Variants in KCNJ1 observed in about 807,000 individuals in gnomAD.
KCNJ1 encodes the protein ATP-sensitive inward rectifier potassium channel 1.
In KCNJ1, 24 loss-of-function variants were observed where a neutral mutation model predicts 21.9. The observed-to-expected ratio is 1.10, with a 90% CI of 0.79 to 1.54. The LOEUF (loss-of-function observed/expected upper bound fraction) is 1.54, where lower values mean the gene tolerates loss of function less well. KCNJ1 is among the 40% of genes most tolerant of loss of function. The pLI, the probability that KCNJ1 is intolerant of heterozygous loss-of-function variation, is 0.00. For missense variants in KCNJ1, 457 were observed against 455.4 expected (o/e 1.00, Z -0.03); for synonymous variants, 152 against 160.9 (o/e 0.94, Z 0.42).
chr11:128,861,032 T>A (rs1018503912), intron 1 of KCNJ1, among the ~76,000 whole-genome samples: 9 of 152,330 alleles, frequency 5.9e-5, no homozygotes, highest in African/African-American at 2.2e-4. Flanking sequence ...GCCTCAAGTG[T>A]CCTGCCTTCT....
chr11:128,861,356 G>C (rs1026719840), intron 1 of KCNJ1, among the ~76,000 whole-genome samples: 1 of 152,200 alleles, frequency 6.6e-6, no homozygotes, highest in Non-Finnish European at 1.5e-5. Context: ...AATGGGGATG[G>C]TACCATGGAG....
At chr11:128,866,186 G>A (rs1198540882) in intron 1 of KCNJ1, among the ~76,000 whole-genome samples, 1 of 152,208 alleles carries the variant, frequency 6.6e-6, no homozygotes, top group African/African-American at 2.4e-5. Context: ...AGACTGGGCA[G>A]CTCCTCCAAT....
At chr11:128,859,953 GCAGGC>G (rs1943669383) in intron 1 of KCNJ1, among the ~76,000 whole-genome samples, 2 of 152,262 alleles carry the variant, frequency 1.3e-5, no homozygotes, top group African/African-American at 4.8e-5. Flanking sequence ...GCAGCAAAGC[GCAGGC>G]GGGAGAGGAG....
chr11:128,843,123 A>T (rs934122341), intron 2 of KCNJ1, among the ~76,000 whole-genome samples: 1 of 152,248 alleles, frequency 6.6e-6, no homozygotes, highest in Non-Finnish European at 1.5e-5. Flanking sequence ...AGTGAGAGGG[A>T]TTATTCTTAG....
At chr11:128,842,154 C>G (rs747298617) in intron 2 of KCNJ1, among the ~76,000 whole-genome samples, 18 of 152,214 alleles carry the variant, frequency 1.2e-4, no homozygotes, top group Non-Finnish European at 2.4e-4. Context: ...CATTATAATT[C>G]CAGAGATGGC....
intron 2 of KCNJ1, 45 bp from the exon 3 acceptor site, chr11:128,840,309 C>A (rs1943262560): frequency 1.9e-6 from 3 of 1,571,334 alleles, no homozygotes; most frequent in Non-Finnish European, 2.6e-6. Context: ...ATGTTTATAG[C>A]AATAGTGAAC....
chr11:128,842,236 T>A, intron 2 of KCNJ1: 1 of 1,000,762 alleles, frequency 1.0e-6, no homozygotes, highest in Non-Finnish European at 1.5e-6. Context: ...TTCATTTTAC[T>A]TTTAAAGGTA....
rs750719975 is a variant in KCNJ1 at position 128,839,448 on chromosome 11, T to C, written c.796A>G (p.Thr266Ala). The C allele has an allele frequency of 6.2e-7, 1 of 1,614,022 alleles. No homozygotes were observed. The highest frequency in any genetic ancestry group is 8.5e-7 in the Non-Finnish European group (1 of 1,180,004). ...NSPFFHMAAE[T>A]LLQQDFELVV... The stretch of plus-strand genomic sequence containing the variant: ...AATTCAAAGTCCTGCTGGAGAAGGG[T>C]CTCCGCTGCCATGTGGAAGAAAGGG... Residue 266 changes from threonine to alanine, a missense_variant, in exon 3 of 3, where the codon ACC becomes GCC. Thr to Ala is a moderately conservative substitution (Grantham distance 58, BLOSUM62 0). Transcript: ENST00000392666.
Position 128,839,090 on chromosome 11 carries a change from A to T in KCNJ1, c.*35T>A. 1 of 1,591,124 alleles carries T rather than the reference A, an allele frequency of 6.3e-7. No individual in the cohort carries two copies. On this transcript the variant is annotated 3_prime_UTR_variant, in exon 3 of 3. Transcript: ENST00000392666. ...AATGCTTCTAGGTACTAGGAGCTTT[A>T]GAGACTTTGCTTTACTCCCGTTGAA...
chr11:128,864,182 G>C (rs536255619), intron 1 of KCNJ1, among the ~76,000 whole-genome samples: 2 of 146,314 alleles, frequency 1.4e-5, no homozygotes, highest in African/African-American at 5.1e-5. Context: ...CGCCTCCCGG[G>C]TTCAAGCAAT....
At chr11:128,860,845 G>A (rs918612196) in intron 1 of KCNJ1, among the ~76,000 whole-genome samples, 22 of 152,194 alleles carry the variant, frequency 1.4e-4, no homozygotes, top group Admixed American at 1.4e-3. Context: ...ACAGGGGCAC[G>A]CCCAGCCCCT....
chr11:128,849,391 T>C (rs1250332335), intron 2 of KCNJ1, among the ~76,000 whole-genome samples: 1 of 152,222 alleles, frequency 6.6e-6, no homozygotes, highest in African/African-American at 2.4e-5. Flanking sequence ...GTGTGAGTGA[T>C]CACATGAGAG....
Position 128,838,971 on chromosome 11 carries a change from G to A in KCNJ1, c.*154C>T, listed in dbSNP as rs1943216029. 2 of 670,314 alleles carry A rather than the reference G, an allele frequency of 3.0e-6. No individual in the cohort carries two copies. The highest frequency in any genetic ancestry group is 5.2e-6 in the Non-Finnish European group (2 of 382,180). 41.5% of individuals were successfully genotyped at this position (670,314 alleles called of 1,614,324 possible). On this transcript the variant is annotated 3_prime_UTR_variant, in exon 3 of 3. Coordinates refer to ENST00000392666, the MANE Select transcript of KCNJ1 (RefSeq NM_153766.3). ...AGCCTTGTGGAGATGCATGTCTTGT[G>A]GGATCACAATTGCGGGGCTCAGGGG...
At chr11:128,863,457 C>T (rs943577735) in intron 1 of KCNJ1, among the ~76,000 whole-genome samples, 6 of 152,206 alleles carry the variant, frequency 3.9e-5, no homozygotes, top group Admixed American at 6.5e-5. Context: ...CAGATACACA[C>T]ATGCAGAGAT....
At chr11:128,842,672 A>G (rs1943304611) in intron 2 of KCNJ1, 3 of 645,274 alleles carry the variant, frequency 4.6e-6, no homozygotes, top group East Asian at 3.3e-5. Context: ...ACATGCTAAG[A>G]CATGACAAGC....
At chr11:128,860,296 G>A (rs75629757) in intron 1 of KCNJ1, among the ~76,000 whole-genome samples, 2,418 of 152,306 alleles carry the variant, frequency 0.016, 38 homozygotes, top group South Asian at 0.063. Flanking sequence ...ATGAAGAACT[G>A]TTGACTAGAC....
At chr11:128,847,936 A>G (rs1364501324) in intron 2 of KCNJ1, among the ~76,000 whole-genome samples, 1 of 152,030 alleles carries the variant, frequency 6.6e-6, no homozygotes, top group Non-Finnish European at 1.5e-5. Flanking sequence ...TGGTGCAATC[A>G]CGGCTCACTG....
chr11:128,853,127 A>G (rs926359304), intron 1 of KCNJ1, among the ~76,000 whole-genome samples: 1 of 152,248 alleles, frequency 6.6e-6, no homozygotes, highest in African/African-American at 2.4e-5. Flanking sequence ...TCTGAGCTGC[A>G]CTTTTCCATA....
chr11:128,859,542 C>T (rs543295375), intron 1 of KCNJ1, among the ~76,000 whole-genome samples: 1 of 152,344 alleles, frequency 6.6e-6, no homozygotes, highest in South Asian at 2.1e-4. Context: ...AGCCACCGCT[C>T]CCGGACAGAA....
Sources: gnomAD v4.1 joint callset for allele counts (sites outside exome capture counted in the v4.1 genomes callset) on GRCh38, gnomAD v4.1.1 for gene constraint, MANE v1.5 for transcripts, NCBI Gene and HGNC (gene_info 2026-07-23, HGNC 2026-07-21) for gene names.